Variants in ANKS1B observed in about 807,000 individuals in gnomAD.
ANKS1B encodes the protein ankyrin repeat and sterile alpha motif domain containing 1B.
ANKS1B carries 36 observed loss-of-function variants against 148.3 expected under a neutral mutation model. The ratio of observed to expected loss-of-function variants is 0.24; its 90% confidence interval spans 0.19 to 0.32. The LOEUF (loss-of-function observed/expected upper bound fraction) is 0.32. Ranked by LOEUF, ANKS1B falls within the 10% of genes least tolerant of loss-of-function variation. The probability of loss-of-function intolerance (pLI) is 1.00; values close to 1 mark genes in which losing one functional copy is unlikely to be tolerated. For missense variants in ANKS1B, 1,157 were observed against 1,542.6 expected, an observed-to-expected ratio of 0.75 and a Z score of 4.19; for synonymous variants, 542 against 560.8, an observed-to-expected ratio of 0.97 and a Z score of 0.47.
At chr12:99,325,510 C>G (rs1392651122) in intron 12 of ANKS1B, among the ~76,000 whole-genome samples, 1 of 152,050 alleles carries the variant, frequency 6.6e-6, no homozygotes, top group African/African-American at 2.4e-5. Context: ...TTTCCATGCT[C>G]TAACTGAAGA....
intron 12 of ANKS1B, among the ~76,000 whole-genome samples, chr12:99,391,834 C>A (rs2094082742): frequency 6.6e-6 from 1 of 152,054 alleles, no homozygotes. Flanking sequence ...TCATGTGACA[C>A]CACAGGAAAA....
chr12:99,808,915 G>A (rs567762698), intron 3 of ANKS1B, among the ~76,000 whole-genome samples: 3 of 152,082 alleles, frequency 2.0e-5, no homozygotes, highest in South Asian at 4.2e-4. Context: ...GATCTCAAGG[G>A]AAAATATATC....
intron 14 of ANKS1B, among the ~76,000 whole-genome samples, chr12:99,208,732 T>C (rs2082971825): frequency 6.6e-6 from 1 of 152,202 alleles, no homozygotes; most frequent in Admixed American, 6.5e-5. Flanking sequence ...TTTACTTATG[T>C]AAGACTGAAA....
chr12:99,019,767 C>A (rs1399263215), intron 17 of ANKS1B, among the ~76,000 whole-genome samples: 3 of 152,100 alleles, frequency 2.0e-5, no homozygotes, highest in African/African-American at 4.8e-5. Context: ...ACAATCTTTA[C>A]AAATATTTTG....
At chr12:99,313,972 C>A (rs2083595532) in intron 12 of ANKS1B, among the ~76,000 whole-genome samples, 1 of 152,174 alleles carries the variant, frequency 6.6e-6, no homozygotes, top group Non-Finnish European at 1.5e-5. Flanking sequence ...GAGAGGAAGT[C>A]AAATTGTCTC....
chr12:99,786,204 C>G (rs1429483357), intron 4 of ANKS1B, among the ~76,000 whole-genome samples: 1 of 151,998 alleles, frequency 6.6e-6, no homozygotes, highest in Admixed American at 6.6e-5. Context: ...TGAAAACAAA[C>G]CAAAGAATAT....
chr12:99,277,974 C>T (rs960016074), intron 12 of ANKS1B, among the ~76,000 whole-genome samples: 2 of 152,192 alleles, frequency 1.3e-5, no homozygotes, highest in Admixed American at 1.3e-4. Context: ...TGTGAGCAAA[C>T]TGATGAAAGT....
In ANKS1B at chr12:99,246,484, C is replaced by G; in HGVS notation, c.2137G>C (p.Ala713Pro). The G allele has an allele frequency of 6.2e-7, 1 of 1,613,828 alleles. No individual in the cohort carries two copies. The highest frequency in any genetic ancestry group is 8.5e-7 in the Non-Finnish European group (1 of 1,179,812). Residue 713 changes from alanine (A) to proline (P), a missense_variant, in exon 13 of 27, where the codon GCC becomes CCC. Coordinates refer to ENST00000683438, the MANE Select transcript of ANKS1B (RefSeq NM_001352186.2). Reference protein sequence around the residue: ...VMNAGGFVERACTLGRIRSLP... With the variant: ...VMNAGGFVERPCTLGRIRSLP... ...GACCTTATTCTCCCCAGAGTACAGGCTCTCTCCACAAATCCCCCTGCGTTC... is the reference window on the plus strand; with the variant it reads ...GACCTTATTCTCCCCAGAGTACAGGGTCTCTCCACAAATCCCCCTGCGTTC...
chr12:99,113,897 C>T (rs1214210674), intron 15 of ANKS1B, among the ~76,000 whole-genome samples: 1 of 152,140 alleles, frequency 6.6e-6, no homozygotes, highest in Non-Finnish European at 1.5e-5. Flanking sequence ...TAATCAAGAT[C>T]CTCTAAAAGG....
intron 7 of ANKS1B, among the ~76,000 whole-genome samples, chr12:99,774,811 T>G (rs1055559901): frequency 5.4e-5 from 7 of 130,296 alleles, no homozygotes; most frequent in Admixed American, 4.9e-4. Context: ...AACAATGGAC[T>G]ATTATTCAGC....
intron 15 of ANKS1B, among the ~76,000 whole-genome samples, chr12:99,153,614 A>G (rs187258219): frequency 2.0e-5 from 3 of 152,310 alleles, no homozygotes; most frequent in African/African-American, 7.2e-5. Flanking sequence ...TGTAGACCAG[A>G]ATTCAGAAGT....
intron 14 of ANKS1B, among the ~76,000 whole-genome samples, chr12:99,194,617 C>A (rs2081165089): frequency 6.6e-6 from 1 of 152,024 alleles, no homozygotes; most frequent in Non-Finnish European, 1.5e-5. Flanking sequence ...ATTATTAGCA[C>A]CCCAATTCAA....
chr12:99,536,714 T>A (rs1294107929), intron 9 of ANKS1B, among the ~76,000 whole-genome samples: 1 of 152,208 alleles, frequency 6.6e-6, no homozygotes, highest in Non-Finnish European at 1.5e-5. Flanking sequence ...AAGCACATTA[T>A]GAAGAACGGG....
At chr12:99,316,584 A>G (rs1350094208) in intron 12 of ANKS1B, among the ~76,000 whole-genome samples, 1 of 152,020 alleles carries the variant, frequency 6.6e-6, no homozygotes, top group Non-Finnish European at 1.5e-5. Context: ...TTGTCAGATG[A>G]GTAGGTTGTA....
At chr12:99,968,329 G>A (rs1009471235) in intron 1 of ANKS1B, among the ~76,000 whole-genome samples, 3 of 152,252 alleles carry the variant, frequency 2.0e-5, no homozygotes, top group East Asian at 3.9e-4. Context: ...AGGCCGAGAC[G>A]GATGGATCAC....
intron 11 of ANKS1B, among the ~76,000 whole-genome samples, chr12:99,434,666 T>C (rs952230492): frequency 6.6e-6 from 1 of 152,154 alleles, no homozygotes; most frequent in African/African-American, 2.4e-5. Flanking sequence ...CTCATCTTTA[T>C]AATGATTCAT....
At chr12:99,176,108 C>G (rs2078353758) in intron 14 of ANKS1B, among the ~76,000 whole-genome samples, 1 of 152,230 alleles carries the variant, frequency 6.6e-6, no homozygotes, top group African/African-American at 2.4e-5. Context: ...CTCAGCCTCC[C>G]TAAGTGCTAG....
At chr12:99,309,102 T>G (rs1380789269) in intron 12 of ANKS1B, among the ~76,000 whole-genome samples, 2 of 151,914 alleles carry the variant, frequency 1.3e-5, no homozygotes, top group East Asian at 3.9e-4. Flanking sequence ...TTTCTATGGT[T>G]GCAACCTTGT....
chr12:99,910,303 C>T (rs558133998), intron 1 of ANKS1B, among the ~76,000 whole-genome samples: 5 of 130,698 alleles, frequency 3.8e-5, no homozygotes, highest in Admixed American at 1.9e-4. Flanking sequence ...CGCAGTGAGC[C>T]GAGATCGCAC....
Sources: gnomAD v4.1 joint callset for allele counts (sites outside exome capture counted in the v4.1 genomes callset) on GRCh38, gnomAD v4.1.1 for gene constraint, MANE v1.5 for transcripts, NCBI Gene and HGNC (gene_info 2026-07-23, HGNC 2026-07-21) for gene names.